The following CLYBL variants were observed in gnomAD, a reference collection of about 807,000 sequenced individuals.
CLYBL encodes citramalyl-CoA lyase, also known as citramalyl-CoA lyase, mitochondrial.
Under a neutral mutation model 38.9 loss-of-function variants are expected in CLYBL, and 31 were observed. That is an observed-to-expected ratio of 0.80 (90% CI 0.60 to 1.08). CLYBL has a LOEUF of 1.08. Among genes scored for constraint, CLYBL ranks in the 50% least tolerant of loss-of-function variants. The probability of loss-of-function intolerance (pLI) is 0.00; values close to 1 mark genes in which losing one functional copy is unlikely to be tolerated. For synonymous variants in CLYBL, 171 were observed against 158.6 expected (o/e 1.08, Z -0.59); for missense variants, 434 against 411.6 (o/e 1.05, Z -0.47).
chr13:99,803,863 C>T (rs751921029), intron 2 of CLYBL, among the ~76,000 whole-genome samples: 3 of 152,054 alleles, frequency 2.0e-5, no homozygotes, highest in Non-Finnish European at 2.9e-5. Flanking sequence ...CAGTGGGGTT[C>T]GACTGCAGTC....
chr13:99,625,431 G>C (rs1042810255), intron 1 of CLYBL, among the ~76,000 whole-genome samples: 3 of 152,192 alleles, frequency 2.0e-5, no homozygotes, highest in Admixed American at 6.5e-5. Flanking sequence ...AGGTGGAAAC[G>C]GGACTGTTGA....
intron 3 of CLYBL, among the ~76,000 whole-genome samples, chr13:99,862,659 T>A (rs2051634521): frequency 1.3e-5 from 2 of 152,186 alleles, no homozygotes; most frequent in Admixed American, 1.3e-4. Context: ...CATTTGCATT[T>A]AACGAAGCGA....
intron 1 of CLYBL, among the ~76,000 whole-genome samples, chr13:99,680,655 T>A (rs574725276): frequency 5.9e-5 from 9 of 152,358 alleles, no homozygotes; most frequent in African/African-American, 2.2e-4. Flanking sequence ...CATCACAGAA[T>A]GGCCCACCAG....
chr13:99,638,789 A>G (rs1278874975), intron 1 of CLYBL, among the ~76,000 whole-genome samples: 1 of 152,264 alleles, frequency 6.6e-6, no homozygotes, highest in Admixed American at 6.5e-5. Flanking sequence ...TGATAGAATT[A>G]GGATTTGAAC....
intron 7 of CLYBL, among the ~76,000 whole-genome samples, chr13:99,882,298 A>C (rs891459081): frequency 2.2e-4 from 34 of 152,134 alleles, no homozygotes; most frequent in African/African-American, 7.5e-4. Context: ...ACTGAACCCC[A>C]TTGTTTGCAC....
At chr13:99,672,280 C>T (rs772742044) in intron 1 of CLYBL, among the ~76,000 whole-genome samples, 47 of 150,324 alleles carry the variant, frequency 3.1e-4, no homozygotes, top group Non-Finnish European at 5.6e-4. Context: ...AGTCATAGCT[C>T]ACTGCGACCA....
At chr13:99,891,535 T>C in intron 8 of CLYBL, 98 bp downstream of exon 8, 1 of 630,438 alleles carries the variant, frequency 1.6e-6, no homozygotes, top group Non-Finnish European at 2.8e-6. Context: ...CATTTACAGT[T>C]CATGTTAATC....
chr13:99,721,699 G>T (rs1282335540), intron 1 of CLYBL, among the ~76,000 whole-genome samples: 1 of 138,852 alleles, frequency 7.2e-6, no homozygotes, highest in Non-Finnish European at 1.5e-5. Flanking sequence ...CACTTTAATA[G>T]CTCTAAACAC....
chr13:99,778,009 A>G (rs770242863), intron 2 of CLYBL, among the ~76,000 whole-genome samples: 2 of 152,140 alleles, frequency 1.3e-5, no homozygotes, highest in African/African-American at 4.8e-5. Flanking sequence ...TCTTTCTTGG[A>G]AAGTGAGTGC....
At chr13:99,731,364 G>T (rs1305781788) in intron 1 of CLYBL, among the ~76,000 whole-genome samples, 2 of 150,772 alleles carry the variant, frequency 1.3e-5, no homozygotes, top group Admixed American at 6.6e-5. Context: ...CTGAGCCCAG[G>T]GGCTCATACC....
intron 1 of CLYBL, among the ~76,000 whole-genome samples, chr13:99,663,113 G>A (rs2047432894): frequency 2.0e-5 from 3 of 152,134 alleles, no homozygotes; most frequent in Admixed American, 6.6e-5. Context: ...TGATGAAAAC[G>A]GAGCAGTGTA....
intron 2 of CLYBL, among the ~76,000 whole-genome samples, chr13:99,812,977 G>A (rs1008156433): frequency 1.3e-5 from 2 of 152,214 alleles, no homozygotes; most frequent in Non-Finnish European, 2.9e-5. Flanking sequence ...GCGCGTGGCT[G>A]ATTTTTGCAT....
chr13:99,879,633 A>G lies in CLYBL; in HGVS notation c.927+8571A>G, dbSNP rs2052143176. Among the ~76,000 whole-genome samples the G allele has an allele frequency of 2.0e-5, 3 of 152,370 alleles. 1 individual carries two copies. Among genetic ancestry groups the G allele is most frequent in the East Asian group, 3.9e-4 (2 of 5,192 alleles). On this transcript the variant is annotated intron_variant, in intron 7 of 8. Coordinates refer to ENST00000339105, the MANE Select transcript of CLYBL (RefSeq NM_206808.5). ...GTTTCTTAAGGAGACAACTAAATCT[A>G]TGATTTATAAGAGTTTAGAGGGGAC...
intron 2 of CLYBL, among the ~76,000 whole-genome samples, chr13:99,819,421 T>C (rs1417841472): frequency 9.9e-5 from 1 of 10,092 alleles, no homozygotes; most frequent in African/African-American, 4.2e-4. Flanking sequence ...AAAATTTATA[T>C]ATATATATAT....
At chr13:99,870,853 C>A in intron 6 of CLYBL, 85 bp from the exon 7 acceptor site, 1 of 1,442,128 alleles carries the variant, frequency 6.9e-7, no homozygotes, top group Non-Finnish European at 9.4e-7. Flanking sequence ...TCTATGAGGC[C>A]TTCAGGAACC....
At chr13:99,675,367 C>T (rs2047628996) in intron 1 of CLYBL, among the ~76,000 whole-genome samples, 1 of 145,360 alleles carries the variant, frequency 6.9e-6, no homozygotes, top group East Asian at 2.1e-4. Flanking sequence ...ATATAATTTA[C>T]ATCTCATACA....
chr13:99,881,896 T>C (rs2052220764), intron 7 of CLYBL, among the ~76,000 whole-genome samples: 1 of 152,182 alleles, frequency 6.6e-6, no homozygotes, highest in African/African-American at 2.4e-5. Context: ...ATTTCTGGTA[T>C]TGTAATAAAT....
At chr13:99,906,363 G>T (rs1294706148) in intron 9 of CLYBL, among the ~76,000 whole-genome samples, 3 of 152,058 alleles carry the variant, frequency 2.0e-5, no homozygotes, top group Non-Finnish European at 4.4e-5. Flanking sequence ...AATCAGATAT[G>T]AGGAAAATAA....
At chr13:99,807,017 AC>A (rs1196315099) in intron 2 of CLYBL, among the ~76,000 whole-genome samples, 3 of 152,188 alleles carry the variant, frequency 2.0e-5, no homozygotes, top group African/African-American at 7.2e-5. Context: ...TATTAGAGCT[AC>A]CCTAGTGCTT....
Sources: allele counts gnomAD v4.1 joint callset (sites outside exome capture counted in the v4.1 genomes callset), GRCh38; gene constraint gnomAD v4.1.1; transcripts MANE v1.5; gene names NCBI Gene and HGNC (gene_info 2026-07-23, HGNC 2026-07-21).